Variants in ATF2 observed in about 807,000 individuals in gnomAD.
The protein encoded by ATF2 is activating transcription factor 2, also known as cyclic AMP-dependent transcription factor ATF-2.
Under a neutral mutation model 60.6 loss-of-function variants are expected in ATF2, and 24 were observed. The ratio of observed to expected loss-of-function variants is 0.40; its 90% CI spans 0.29 to 0.56. ATF2 has a LOEUF of 0.56. Among genes scored for constraint, ATF2 ranks in the 20% least tolerant of loss-of-function variants. The probability of loss-of-function intolerance (pLI) is 0.54; values close to 1 mark genes in which losing one functional copy is unlikely to be tolerated. For synonymous variants in ATF2, 206 were observed against 215.4 expected (o/e 0.96, Z 0.38); for missense variants, 433 against 607.7 (o/e 0.71, Z 3.02).
intron 12 of ATF2, chr2:175,092,752 T>C (rs1694641879): frequency 2.6e-6 from 1 of 390,472 alleles, no homozygotes; most frequent in South Asian, 2.7e-5. Flanking sequence ...ATAACAGTGA[T>C]ATTTTTAAAT....
chr2:175,158,796 T>TA (rs1018494290), intron 1 of ATF2, among the ~76,000 whole-genome samples: 101 of 144,798 alleles, frequency 7.0e-4, no homozygotes, highest in African/African-American at 1.4e-3. Context: ...TCCTCTACAG[T>TA]AAAAAAAAAA....
chr2:175,157,313 C>A (rs1464466804), intron 1 of ATF2, among the ~76,000 whole-genome samples: 1 of 152,150 alleles, frequency 6.6e-6, no homozygotes, highest in Non-Finnish European at 1.5e-5. Flanking sequence ...GTAATAGGAC[C>A]TTGGCCCCCA....
intron 2 of ATF2, among the ~76,000 whole-genome samples, chr2:175,149,905 T>A (rs1333895317): frequency 6.6e-6 from 1 of 152,136 alleles, no homozygotes; most frequent in East Asian, 1.9e-4. Context: ...TACCCTCAAA[T>A]TTGGATCTCT....
At chr2:175,126,198 TTGAAATATTTTTTC>T (rs1192491968) in intron 4 of ATF2, among the ~76,000 whole-genome samples, 1 of 152,200 alleles carries the variant, frequency 6.6e-6, no homozygotes, top group Non-Finnish European at 1.5e-5. Context: ...TTCTCTTACT[TTGAAATATTTTTTC>T]TAACTTTCAA....
chr2:175,162,356 A>G (rs1434277939), intron 1 of ATF2, among the ~76,000 whole-genome samples: 2 of 152,234 alleles, frequency 1.3e-5, no homozygotes, highest in South Asian at 2.1e-4. Flanking sequence ...TTCATTAATC[A>G]TAACTCCCAA....
intron 2 of ATF2, among the ~76,000 whole-genome samples, chr2:175,146,166 T>C (rs1698932341): frequency 6.6e-6 from 1 of 152,200 alleles, no homozygotes; most frequent in African/African-American, 2.4e-5. Flanking sequence ...AAGAGTATTA[T>C]ATAACCCCAA....
Position 175,074,624 on chromosome 2 carries a change from C to T in ATF2, c.1503G>A (p.Gln501=), listed in dbSNP as rs773341486. ...AGGTTTTTAATCAACTTCCTGAGGG[C>T]TGTGACTGGGAGGAAGGAGCCATAA... ...QIVMAPSSQS[Q]PSGS The change falls in exon 14 of 14, where the codon CAG becomes CAA. Residue 501 remains glutamine, a synonymous_variant. Transcript: ENST00000264110. 23 of 1,612,282 alleles carry T rather than the reference C, an allele frequency of 1.4e-5. 1 individual carries two copies. Among genetic ancestry groups the T allele is most frequent in the South Asian group, 9.9e-5 (9 of 90,934 alleles).
intron 9 of ATF2, 31 bp downstream of exon 9, chr2:175,113,963 G>A (rs369150975): frequency 7.1e-6 from 11 of 1,545,600 alleles, no homozygotes; most frequent in African/African-American, 1.4e-5. Flanking sequence ...TCAGTTTTGC[G>A]ATAGAGATTT....
In ATF2 at chr2:175,118,266, T is replaced by A. The variant is rs373393705; in HGVS notation, c.303A>T (p.Glu101Asp). ...TACAACATACTTTTTTAATGTCATCTTCTGAAGCTTTCTTGAATTCATTCT... is the reference window on the plus strand; with the variant it reads ...TACAACATACTTTTTTAATGTCATCATCTGAAGCTTTCTTGAATTCATTCT... ...PFENEFKKAS[E>D]DDIKKMPLDL... The change falls in exon 6 of 14, where the codon GAA (glutamate) becomes GAT (aspartate). Residue 101 changes from glutamate (E) to aspartate (D), a missense_variant. Glu to Asp is a conservative substitution (Grantham distance 45, BLOSUM62 2). Coordinates refer to ENST00000264110, the MANE Select transcript of ATF2 (RefSeq NM_001880.4). 5.2e-5 allele frequency: 84 copies of A among 1,607,972 alleles called. 1 individual carries two copies. Among genetic ancestry groups the A allele is most frequent in the Non-Finnish European group, 6.6e-5 (78 of 1,177,354 alleles).
At chr2:175,106,141 T>C (rs1695646870) in intron 10 of ATF2, among the ~76,000 whole-genome samples, 1 of 152,062 alleles carries the variant, frequency 6.6e-6, no homozygotes, top group African/African-American at 2.4e-5. Flanking sequence ...AAACATACCA[T>C]TAAGAAAAAT....
intron 1 of ATF2, among the ~76,000 whole-genome samples, chr2:175,154,482 T>A (rs6728274): frequency 0.098 from 14,897 of 151,376 alleles, 829 homozygotes; most frequent in Middle Eastern, 0.18. Context: ...AACTTTTTTT[T>A]AAAAAAAAGT....
intron 12 of ATF2, among the ~76,000 whole-genome samples, chr2:175,086,335 C>A (rs1450142465): frequency 6.6e-6 from 1 of 152,100 alleles, no homozygotes; most frequent in Non-Finnish European, 1.5e-5. Context: ...GGAATTGGGA[C>A]TGAGAGAAAT....
intron 5 of ATF2, among the ~76,000 whole-genome samples, chr2:175,119,452 T>C (rs1331987468): frequency 6.6e-6 from 1 of 151,532 alleles, no homozygotes; most frequent in Non-Finnish European, 1.5e-5. Context: ...CATTACTTCC[T>C]ATTTTACCTT....
chr2:175,085,908 T>G (rs919654885), intron 12 of ATF2, among the ~76,000 whole-genome samples: 1 of 152,236 alleles, frequency 6.6e-6, no homozygotes, highest in Non-Finnish European at 1.5e-5. Flanking sequence ...TTGCACATTC[T>G]TTTATTTTTT....
At chr2:175,111,947 AAAGATCTGTC>A (rs1696223188) in intron 9 of ATF2, among the ~76,000 whole-genome samples, 1 of 152,344 alleles carries the variant, frequency 6.6e-6, no homozygotes, top group Admixed American at 6.5e-5. Context: ...AAAAATTCTC[AAAGATCTGTC>A]AAACTTCCAT....
intron 1 of ATF2, among the ~76,000 whole-genome samples, chr2:175,161,975 G>A (rs1700055546): frequency 6.6e-6 from 1 of 152,092 alleles, no homozygotes; most frequent in African/African-American, 2.4e-5. Flanking sequence ...TGGCCAGGCT[G>A]GTCTCGAACT....
chr2:175,162,354 T>C (rs1700082843), intron 1 of ATF2, among the ~76,000 whole-genome samples: 1 of 152,240 alleles, frequency 6.6e-6, no homozygotes, highest in Non-Finnish European at 1.5e-5. Context: ...GCTTCATTAA[T>C]CATAACTCCC....
In ATF2 at chr2:175,141,516, G is replaced by A. The variant is rs570649704; in HGVS notation, c.-43-5030C>T. Among the ~76,000 whole-genome samples the A allele has an allele frequency of 1.3e-4, 20 of 151,510 alleles. No individual in the cohort carries two copies. In the South Asian group the frequency reaches 1.7e-3, roughly 13 times the overall value. ...CTTTTCTTTTTTTTCTTTTCGGGAC[G>A]GAGTCTCGCTCTGTCGTCCAGGCTG... On this transcript the variant is annotated intron_variant, in intron 2 of 13. Transcript: ENST00000264110.
At chr2:175,106,082 AAGT>A (rs1695642519) in intron 10 of ATF2, among the ~76,000 whole-genome samples, 1 of 152,240 alleles carries the variant, frequency 6.6e-6, no homozygotes, top group Admixed American at 6.5e-5. Context: ...AAGCTTAATT[AAGT>A]AGGAGAAAAC....
Sources: gnomAD v4.1 joint callset for allele counts (sites outside exome capture counted in the v4.1 genomes callset) on GRCh38, gnomAD v4.1.1 for gene constraint, MANE v1.5 for transcripts, NCBI Gene and HGNC (gene_info 2026-07-23, HGNC 2026-07-21) for gene names.